POC1B: variants seen among roughly 807,000 people sequenced by gnomAD.
POC1B encodes the protein POC1 centriolar protein homolog B.
Under a neutral mutation model 60.6 loss-of-function variants are expected in POC1B, and 44 were observed. That is an observed-to-expected ratio of 0.73 (90% CI 0.57 to 0.93). The LOEUF (loss-of-function observed/expected upper bound fraction) is 0.93, where lower values mean the gene tolerates loss of function less well. Ranked by LOEUF, POC1B falls within the 40% of genes least tolerant of loss-of-function variation. POC1B has a pLI of 0.00. For synonymous variants in POC1B, 180 were observed against 198.9 expected (o/e 0.90, Z 0.80); for missense variants, 555 against 572.3 (o/e 0.97, Z 0.31).
At chr12:89,516,126 C>CT (rs549553308) in intron 2 of POC1B, among the ~76,000 whole-genome samples, 113 of 152,214 alleles carry the variant, frequency 7.4e-4, no homozygotes, top group African/African-American at 2.6e-3. Flanking sequence ...TCCACTCTCT[C>CT]TAATGACTAT....
chr12:89,463,401 G>A (rs1285065899), intron 9 of POC1B, among the ~76,000 whole-genome samples: 1 of 151,682 alleles, frequency 6.6e-6, no homozygotes, highest in Non-Finnish European at 1.5e-5. Flanking sequence ...TAAGAAAGAA[G>A]GGAACTGCTG....
At position 89,425,263 on chromosome 12, in the gene POC1B, T is replaced by C. The variant is rs892383054; in HGVS notation, c.1230A>G (p.Thr410=). ...CACAGGGGAGGTCACTCATGTCTTC[T>C]GTTTTCTTTTTCGTGGTTGTTGGCA... ...ECLPTTTKKK[T]EDMSDLPCES... is the part of the protein sequence containing the mutation. Residue 410 remains threonine (T), a synonymous_variant, in exon 11 of 12, where the codon ACA becomes ACG. Transcript: ENST00000313546. 6.2e-6 allele frequency: 10 copies of C among 1,614,058 alleles called. No individual in the cohort carries two copies. Among genetic ancestry groups the C allele is most frequent in the Admixed American group, 5.0e-5 (3 of 59,996 alleles).
intron 4 of POC1B, among the ~76,000 whole-genome samples, chr12:89,473,140 G>T (rs1882968073): frequency 6.6e-6 from 1 of 151,976 alleles, no homozygotes; most frequent in Non-Finnish European, 1.5e-5. Context: ...ACAGATTTGG[G>T]TCACAGACTA....
intron 1 of POC1B, 188 bp from the exon 2 acceptor site, chr12:89,525,392 C>A: frequency 7.2e-7 from 1 of 1,393,012 alleles, no homozygotes; most frequent in South Asian, 1.6e-5. Flanking sequence ...CAGGGAGACG[C>A]CGGCGCCAGC....
At chr12:89,411,986 G>C in the POC1B span, among the ~76,000 whole-genome samples, 64 of 152,346 alleles carry the variant, frequency 4.2e-4, no homozygotes, top group South Asian at 0.01. Context: ...GGCTTCAGTG[G>C]AATTCTATAG....
At chr12:89,484,891 T>C (rs1318072233) in intron 4 of POC1B, among the ~76,000 whole-genome samples, 1 of 152,206 alleles carries the variant, frequency 6.6e-6, no homozygotes, top group African/African-American at 2.4e-5. Context: ...GATGGGGAGA[T>C]GGGCCCACCT....
chr12:89,426,738 C>T (rs1880780668), intron 10 of POC1B: 1 of 151,648 alleles, frequency 6.6e-6, no homozygotes, highest in Non-Finnish European at 1.5e-5. Context: ...GCAAAAGAAT[C>T]ACTTGAACCT....
chr12:89,501,376 T>G, intron 2 of POC1B: 1 of 1,038,212 alleles, frequency 9.6e-7, no homozygotes, highest in Admixed American at 1.9e-5. Context: ...GAGAAGAAAA[T>G]TTATGGCTAA....
the POC1B span, among the ~76,000 whole-genome samples, chr12:89,402,590 T>G: frequency 2.0e-5 from 3 of 152,208 alleles, no homozygotes; most frequent in Non-Finnish European, 4.4e-5. Context: ...TTCTTATCAT[T>G]TAGCTCCAAC....
At chr12:89,525,317 G>A in intron 1 of POC1B, 113 bp from the exon 2 acceptor site, 1 of 1,458,946 alleles carries the variant, frequency 6.9e-7, no homozygotes, top group African/African-American at 1.4e-5. Context: ...CACCCAGGCG[G>A]CGGCTTGGCT....
intron 4 of POC1B, among the ~76,000 whole-genome samples, chr12:89,490,612 T>C (rs1868913422): frequency 6.6e-6 from 1 of 152,178 alleles, no homozygotes; most frequent in Non-Finnish European, 1.5e-5. Context: ...CACAAAGTGC[T>C]GGGATTACAA....
chr12:89,412,822 C>CCTTCCTTA, the POC1B span, among the ~76,000 whole-genome samples: 1 of 122,120 alleles, frequency 8.2e-6, no homozygotes, highest in Non-Finnish European at 1.6e-5. Context: ...TTCCTTCCTT[C>CCTTCCTTA]CTTCCTTCCT....
intron 2 of POC1B, chr12:89,502,087 AC>A: frequency 9.1e-7 from 1 of 1,093,660 alleles, no homozygotes; most frequent in South Asian, 1.2e-5. Flanking sequence ...CAGTGGATAT[AC>A]ATGTAATACA....
intron 2 of POC1B, chr12:89,523,388 C>A: frequency 6.2e-7 from 1 of 1,614,056 alleles, no homozygotes. Flanking sequence ...TTGTATTCAT[C>A]CATCCAAACT....
At chr12:89,500,885 T>C (rs564124536) in intron 2 of POC1B, 2 of 1,052,542 alleles carry the variant, frequency 1.9e-6, no homozygotes, top group African/African-American at 3.2e-5. Flanking sequence ...CTAAAAAAAG[T>C]TTTTCAACAT....
intron 1 of POC1B, 21 bp from the exon 2 acceptor site, chr12:89,525,225 G>C (rs778866409): frequency 2.5e-6 from 4 of 1,597,026 alleles, no homozygotes; most frequent in Non-Finnish European, 3.4e-6. Context: ...AAGTTGTCAA[G>C]TTTTGAAAGC....
chr12:89,417,527 C>T (rs1267477192), downstream of POC1B, among the ~76,000 whole-genome samples: 2 of 152,192 alleles, frequency 1.3e-5, no homozygotes, highest in East Asian at 1.9e-4. Flanking sequence ...TTTAATGTGC[C>T]TCTGCTTAAT....
At chr12:89,407,013 T>G in the POC1B span, among the ~76,000 whole-genome samples, 5 of 151,364 alleles carry the variant, frequency 3.3e-5, no homozygotes, top group Non-Finnish European at 7.4e-5. Flanking sequence ...CCGGGCGTGA[T>G]GGAGGGCTCC....
At chr12:89,438,420 G>GC (rs1255666900) in intron 10 of POC1B, among the ~76,000 whole-genome samples, 1 of 152,254 alleles carries the variant, frequency 6.6e-6, no homozygotes, top group Admixed American at 6.5e-5. Flanking sequence ...TAGCGCCACT[G>GC]CACGCCCGCC....
Sources: allele counts gnomAD v4.1 joint callset (sites outside exome capture counted in the v4.1 genomes callset), GRCh38; gene constraint gnomAD v4.1.1; transcripts MANE v1.5; gene names NCBI Gene and HGNC (gene_info 2026-07-23, HGNC 2026-07-21).